Variants in MAVS observed in about 807,000 individuals in gnomAD.
MAVS encodes the protein mitochondrial antiviral-signaling protein.
Under a neutral mutation model 30.2 loss-of-function variants are expected in MAVS, and 20 were observed. That is an observed-to-expected ratio of 0.66 (90% confidence interval 0.47 to 0.96). MAVS has a LOEUF of 0.96. MAVS is among the 40% of genes least tolerant of loss of function. The pLI is 0.00. For missense variants in MAVS, 624 were observed against 701.1 expected (o/e 0.89, Z 1.24); for synonymous variants, 278 against 293.9 (o/e 0.95, Z 0.55).
At chr20:3,854,923 G>A (rs186659488) in intron 2 of MAVS, among the ~76,000 whole-genome samples, 182 bp downstream of exon 2, 10 of 130,698 alleles carry the variant, frequency 7.7e-5, no homozygotes, top group Admixed American at 5.6e-4. Context: ...ATTGAGTCTC[G>A]TTCTGTCGCC....
Position 3,857,555 on chromosome 20 carries a change from C to CG in MAVS, c.118-80_118-79insG, listed in dbSNP as rs930935126. 207 of 1,481,710 alleles carry CG rather than the reference C, an allele frequency of 1.4e-4. No homozygotes were observed. The Middle Eastern group carries it at 2.7e-3, about 20-fold the overall frequency. The allele number at this position is 1,481,710 out of a possible 1,614,324, so 91.8% of individuals were successfully genotyped here. On this transcript the variant is annotated intron_variant, in intron 2 of 6. Transcript: ENST00000428216. ...CTTGTGGCTTTCTTGGCACCCCTCC[C>CG]CCCGCTGTGGCTTCATTCTGGGTGG...
chr20:3,867,297 T>C lies in MAVS; in HGVS notation c.*1150T>C, dbSNP rs556238788. On this transcript the variant is annotated 3_prime_UTR_variant, in exon 7 of 7. Transcript: ENST00000428216. ...AAGTATATATATATATTTCCCAGTG[T>C]TGTGAAGATTAAAGGAGTTTATCGA... The C allele has an allele frequency of 2.1e-3, 717 of 341,742 alleles. 13 individuals carry two copies. The highest frequency in any genetic ancestry group is 0.015 in the South Asian group (667 of 43,432). The allele number at this position is 341,742 out of a possible 1,614,324, so 21.2% of individuals were successfully genotyped here.
chr20:3,850,590 A>T (rs1409276953), intron 1 of MAVS, among the ~76,000 whole-genome samples: 1 of 128,554 alleles, frequency 7.8e-6, no homozygotes, highest in African/African-American at 2.9e-5. Flanking sequence ...ACTCCATTTC[A>T]AAAAAAAAAA....
chr20:3,870,672 A>AAAAAAAAAAAT lies in MAVS; in HGVS notation c.*4529_*4530insAAAAAATAAAA. On this transcript the variant is annotated 3_prime_UTR_variant, in exon 7 of 7. Transcript: ENST00000428216. The stretch of plus-strand genomic sequence containing the variant: ...AAAAAAAAAAAAAAAAAAAAAAAAA[A>AAAAAAAAAAAT]AAAATCTAGGAGATGCTCTTTACCC... 1 of 143,836 alleles carries AAAAAAAAAAAT rather than the reference A, an allele frequency of 7.0e-6. No individual in the cohort carries two copies. Among genetic ancestry groups the AAAAAAAAAAAT allele is most frequent in the African/African-American group, 2.7e-5 (1 of 37,602 alleles). The allele number at this position is 143,836 out of a possible 1,614,324, so 8.9% of individuals were successfully genotyped here. A position where few individuals can be genotyped will look rare whatever the true frequency, so the allele number is the denominator to read the frequency against.
rs778909881 is a variant in MAVS at position 3,864,500 on chromosome 20, T to C, written c.870T>C (p.Pro290=). The C allele has an allele frequency of 4.3e-6, 7 of 1,613,974 alleles. No individual in the cohort carries two copies. The South Asian group carries it at 6.6e-5, about 15-fold the overall frequency. The change falls in exon 6 of 7, where the codon CCT becomes CCC. Residue 290 remains proline (P), a synonymous_variant. Coordinates refer to ENST00000428216, the MANE Select transcript of MAVS (RefSeq NM_020746.5). ...PIICSSGAEA[P]ANSLPSKVPT... ...TCTGCTCCAGTGGGGCAGAGGCACCTGCCAACTCTCTGCCCTCCAAAGTGC... is the reference window on the plus strand; with the variant it reads ...TCTGCTCCAGTGGGGCAGAGGCACCCGCCAACTCTCTGCCCTCCAAAGTGC...
In MAVS at chr20:3,869,529, A is replaced by C. The variant is rs1166934139; in HGVS notation, c.*3382A>C. 6.6e-6 allele frequency: 1 copy of C among 152,112 alleles called. No individual in the cohort carries two copies. The highest frequency in any genetic ancestry group is 1.5e-5 in the Non-Finnish European group (1 of 68,042). The allele number at this position is 152,112 out of a possible 1,614,324, so 9.4% of individuals were successfully genotyped here. On this transcript the variant is annotated 3_prime_UTR_variant, in exon 7 of 7. Transcript: ENST00000428216. ...CTGTTATGTTGCCCAGGTTGGCCTCATGAGATCTTGCCTTAGCCTCCCAAA... is the reference window on the plus strand; with the variant it reads ...CTGTTATGTTGCCCAGGTTGGCCTCCTGAGATCTTGCCTTAGCCTCCCAAA...
In MAVS at chr20:3,859,520, A is replaced by AAAAAC. The variant is rs76308650; in HGVS notation, c.292+1711_292+1712insAAAAC. On this transcript the variant is annotated intron_variant, in intron 3 of 6. Coordinates refer to ENST00000428216, the MANE Select transcript of MAVS (RefSeq NM_020746.5). ...GAGACTCCGTCTCCAAAAAAAAAAA[A>AAAAAC]CCCAAAAATAGTGATCCCCTGAATA... 6.3e-5 allele frequency among the ~76,000 whole-genome samples: 9 copies of AAAAAC among 141,794 alleles called. 1 individual carries two copies. The highest frequency in any genetic ancestry group is 2.4e-4 in the African/African-American group (9 of 37,826). 93.0% of individuals were successfully genotyped at this position (141,794 alleles called of 152,430 possible).
Position 3,875,994 on chromosome 20 carries a change from T to A in MAVS, c.*9847T>A, listed in dbSNP as rs917111778. ...GTATCCAAAGGAATTGGAGAAGAGA[T>A]AAACTGGTAATTGGTGAAAGAATTA... On this transcript the variant is annotated 3_prime_UTR_variant, in exon 7 of 7. Transcript: ENST00000428216. The A allele has an allele frequency of 1.3e-5, 2 of 152,370 alleles. No individual in the cohort carries two copies. Among genetic ancestry groups the A allele is most frequent in the African/African-American group, 4.8e-5 (2 of 41,460 alleles). The allele number at this position is 152,370 out of a possible 1,614,324, so 9.4% of individuals were successfully genotyped here.
chr20:3,865,412 C>A lies in MAVS; in HGVS notation c.1159-271C>A, dbSNP rs755324412. Reference sequence around the variant, plus strand: ...GGCAGGATGTCAGTGCAGGATGGAGCCCCGCCCTACCAAAGGCTTCCAGGT... The same window carrying A: ...GGCAGGATGTCAGTGCAGGATGGAGACCCGCCCTACCAAAGGCTTCCAGGT... On this transcript the variant is annotated intron_variant, in intron 6 of 6. Transcript: ENST00000428216. This position sits in a 1 kb window ranked among gnomAD's most constrained non-coding sequence, Gnocchi z 4.7. Among the ~76,000 whole-genome samples, 34 of 152,174 alleles carry A rather than the reference C, an allele frequency of 2.2e-4. No homozygotes were observed. The highest frequency in any genetic ancestry group is 3.4e-4 in the Non-Finnish European group (23 of 68,024).
chr20:3,862,038 C>T (rs559859124), intron 4 of MAVS, among the ~76,000 whole-genome samples: 43 of 152,252 alleles, frequency 2.8e-4, no homozygotes, highest in African/African-American at 5.5e-4. Flanking sequence ...CGTGAGCCAC[C>T]GCACCTGGCA....
At chr20:3,862,547 A>G (rs1439178987) in intron 5 of MAVS, 134 bp downstream of exon 5, 12 of 886,604 alleles carry the variant, frequency 1.4e-5, no homozygotes, top group Non-Finnish European at 2.0e-5. Flanking sequence ...GAAGCAAACC[A>G]GTTCCTTAGT....
At chr20:3,860,623 C>G (rs760153372) in intron 3 of MAVS, among the ~76,000 whole-genome samples, 1 of 151,562 alleles carries the variant, frequency 6.6e-6, no homozygotes, top group Non-Finnish European at 1.5e-5. Context: ...GATCCACCCA[C>G]TTCGGCCTCC....
In MAVS at chr20:3,854,696, T is replaced by C. The variant is rs1390025222; in HGVS notation, c.72T>C (p.Val24=). 6.2e-7 allele frequency: 1 copy of C among 1,613,808 alleles called. No individual in the cohort carries two copies. The highest frequency in any genetic ancestry group is 1.3e-5 in the African/African-American group (1 of 74,904). ...RNFSNFCNVD[V]VEILPYLPCL... ...TCAGCAATTTTTGCAATGTGGATGT[T>C]GTAGAGATTCTGCCTTACCTGCCCT... The change falls in exon 2 of 7, where the codon GTT becomes GTC. Residue 24 remains valine, a synonymous_variant. Transcript: ENST00000428216.
Position 3,862,242 on chromosome 20 carries a change from C to A in MAVS, c.466-12C>A, listed in dbSNP as rs769033693. 3 of 1,611,266 alleles carry A rather than the reference C, an allele frequency of 1.9e-6. No individual in the cohort carries two copies. Among genetic ancestry groups the A allele is most frequent in the Non-Finnish European group, 2.5e-6 (3 of 1,178,944 alleles). The stretch of plus-strand genomic sequence containing the variant: ...GAGGCAACTGCCTTATTCATATTTT[C>A]CCTCATTGCAGAATTCAGAGCAAGC... On this transcript the variant is annotated splice_polypyrimidine_tract_variant and intron_variant, in intron 4 of 6. Transcript: ENST00000428216.
rs1158573570 is a variant in MAVS, at chr20:3,869,436, G to C, written c.*3289G>C. 1.3e-5 allele frequency: 2 copies of C among 152,096 alleles called. No homozygotes were observed. The highest frequency in any genetic ancestry group is 2.9e-5 in the Non-Finnish European group (2 of 68,056). The allele number at this position is 152,096 out of a possible 1,614,324, so 9.4% of individuals were successfully genotyped here. On this transcript the variant is annotated 3_prime_UTR_variant, in exon 7 of 7. Transcript: ENST00000428216. Reference sequence around the variant, plus strand: ...GATCCGCCCGCCTCGGCCTCCCAAAGTGCTGGGATTACAGGCGTGAGCCAC... The same window carrying C: ...GATCCGCCCGCCTCGGCCTCCCAAACTGCTGGGATTACAGGCGTGAGCCAC...
At chr20:3,863,531 G>A (rs748289763) in intron 5 of MAVS, among the ~76,000 whole-genome samples, 2 of 152,170 alleles carry the variant, frequency 1.3e-5, no homozygotes, top group East Asian at 1.9e-4. Context: ...GTTTCAGTAC[G>A]TTTGTAGACA....
In MAVS at chr20:3,854,649, T is replaced by G. The variant is rs555787558; in HGVS notation, c.25T>G (p.Tyr9Asp). 1 of 1,613,784 alleles carries G rather than the reference T, an allele frequency of 6.2e-7. No homozygotes were observed. Among genetic ancestry groups the G allele is most frequent in the Non-Finnish European group, 8.5e-7 (1 of 1,179,806 alleles). Residue 9 changes from tyrosine to aspartate, a missense_variant, in exon 2 of 7, where the codon TAT becomes GAT. Physicochemically the swap from Tyr to Asp is radical, Grantham distance 160. Coordinates refer to ENST00000428216, the MANE Select transcript of MAVS (RefSeq NM_020746.5). MPFAEDKT[Y>D]KYICRNFSNF... ...AATGCCGTTTGCTGAAGACAAGACC[T>G]ATAAGTATATCTGCCGCAATTTCAG...
chr20:3,862,466 A>G, intron 5 of MAVS, 53 bp downstream of exon 5: 3 of 1,559,794 alleles, frequency 1.9e-6, no homozygotes, highest in Non-Finnish European at 2.6e-6. Flanking sequence ...AAGTGAGGGT[A>G]AGAATTAGAG....
chr20:3,856,373 T>TTA (rs2089810885), intron 2 of MAVS, among the ~76,000 whole-genome samples: 1 of 147,456 alleles, frequency 6.8e-6, no homozygotes, highest in African/African-American at 2.5e-5. Flanking sequence ...TTTTTTTTTT[T>TTA]GAGATGGAGT....
Sources: gnomAD v4.1 joint callset for allele counts (sites outside exome capture counted in the v4.1 genomes callset) on GRCh38, gnomAD v4.1.1 for gene constraint, Gnocchi (gnomAD v3.1) non-coding constraint, MANE v1.5 for transcripts, NCBI Gene and HGNC (gene_info 2026-07-23, HGNC 2026-07-21) for gene names.